The following TMEM230 variants were observed in gnomAD, a reference collection of about 807,000 sequenced individuals.
TMEM230 encodes the protein UPF0414 transmembrane protein C20orf30.
In TMEM230, 10 loss-of-function variants were observed where a neutral mutation model predicts 15.8. The observed-to-expected ratio is 0.63, with a 90% CI of 0.39 to 1.07. The LOEUF is 1.07. Among genes scored for constraint, TMEM230 ranks in the 50% least tolerant of loss-of-function variants. The pLI is 0.01. For synonymous variants in TMEM230, 67 were observed against 76.9 expected (o/e 0.87, Z 0.68); for missense variants, 165 against 193.3 (o/e 0.85, Z 0.87).
chr20:5,108,676 T>C (rs1463173730), intron 3 of TMEM230, among the ~76,000 whole-genome samples: 1 of 152,184 alleles, frequency 6.6e-6, no homozygotes, highest in East Asian at 1.9e-4. Flanking sequence ...TTATAAAGGA[T>C]GGTTTCCTGC....
At chr20:5,084,183 A>T (rs2089263549) in intron 3 of TMEM230, among the ~76,000 whole-genome samples, 1 of 151,860 alleles carries the variant, frequency 6.6e-6, no homozygotes, top group Non-Finnish European at 1.5e-5. Flanking sequence ...GTTGCAAAGA[A>T]CACGATCTTA....
chr20:5,093,669 T>G (rs560235948), intron 3 of TMEM230, among the ~76,000 whole-genome samples: 281 of 152,150 alleles, frequency 1.8e-3, no homozygotes, highest in African/African-American at 6.4e-3. Flanking sequence ...CCCGACTAGC[T>G]GGGATTACAG....
intron 4 of TMEM230, among the ~76,000 whole-genome samples, chr20:5,103,541 TGGTCCCAGTTATTTGGGAGGCTGA>T (rs1461551088): frequency 6.6e-6 from 1 of 150,944 alleles, no homozygotes; most frequent in Non-Finnish European, 1.5e-5. Flanking sequence ...CACATGCCTG[TGGTCCCAGTTATTTGGGAGGCTGA>T]GGTTGCAGTG....
At chr20:5,093,288 C>T (rs2089561607) in intron 3 of TMEM230, among the ~76,000 whole-genome samples, 1 of 152,214 alleles carries the variant, frequency 6.6e-6, no homozygotes, top group Admixed American at 6.5e-5. Context: ...GTCTATGTCG[C>T]CCAGGCTGGA....
At chr20:5,081,864 C>CA (rs2089185347) in intron 3 of TMEM230, among the ~76,000 whole-genome samples, 1 of 140,334 alleles carries the variant, frequency 7.1e-6, no homozygotes. Context: ...CACTGATTTT[C>CA]TTTTTTTTCT....
chr20:5,099,946 C>T lies in TMEM230; in HGVS notation c.*845G>A. The T allele has an allele frequency of 1.0e-6, 1 of 985,374 alleles. No individual in the cohort carries two copies. 61.0% of individuals were successfully genotyped at this position (985,374 alleles called of 1,614,324 possible). A position where few individuals can be genotyped will look rare whatever the true frequency, so the allele number is the denominator to read the frequency against. The stretch of plus-strand genomic sequence containing the variant: ...CTTTTTGCAAGCTAAAAAATAGAAT[C>T]AAACTAAGGTGATCTAGTCCTCTAG... On this transcript the variant is annotated 3_prime_UTR_variant, in exon 5 of 5. Transcript: ENST00000342308.
At chr20:5,069,545 C>T (rs2088757173) in intron 3 of TMEM230, among the ~76,000 whole-genome samples, 2 of 152,106 alleles carry the variant, frequency 1.3e-5, no homozygotes, top group Admixed American at 1.3e-4. Context: ...CAGTGAGTGA[C>T]CAAGGGAAAC....
intron 2 of TMEM230, among the ~76,000 whole-genome samples, 179 bp from the exon 2 acceptor site, chr20:5,109,624 G>A (rs1362709942): frequency 6.6e-6 from 1 of 152,072 alleles, no homozygotes; most frequent in African/African-American, 2.4e-5. Flanking sequence ...ATATGCATAT[G>A]GAAAACCAGA....
chr20:5,068,896 G>A, exon 4 of TMEM230: 1 of 314,088 alleles, frequency 3.2e-6, no homozygotes, highest in South Asian at 4.1e-5. Flanking sequence ...AGGATGGTAT[G>A]AAGGGGACAG....
downstream of TMEM230, chr20:5,067,839 A>T (rs2088700500): frequency 6.7e-6 from 1 of 150,104 alleles, no homozygotes; most frequent in Non-Finnish European, 1.5e-5. Context: ...GACTCACTAC[A>T]ACCTCCGCCT....
intron 3 of TMEM230, among the ~76,000 whole-genome samples, chr20:5,091,441 C>A (rs1002963423): frequency 6.6e-6 from 1 of 152,100 alleles, no homozygotes; most frequent in Admixed American, 6.6e-5. Flanking sequence ...GAACTCCTGA[C>A]CTCAGGTGAT....
intron 3 of TMEM230, among the ~76,000 whole-genome samples, chr20:5,077,443 G>A (rs1233322464): frequency 2.0e-5 from 3 of 151,966 alleles, no homozygotes; most frequent in African/African-American, 7.2e-5. Context: ...GGTGGCTGAC[G>A]CCTGTAATCC....
At position 5,100,884 on chromosome 20, in the gene TMEM230, G is replaced by C. The variant is rs1231784222; in HGVS notation, c.459C>G (p.Phe153Leu). Residue 153 changes from phenylalanine (F) to leucine (L), a missense_variant, in exon 5 of 5, where the codon TTC (phenylalanine) becomes TTG (leucine). By Grantham distance (22) the Phe-to-Leu change is conservative. Transcript: ENST00000342308. ...TGCGCAGGTGGTAAAATCCGGGTAG[G>C]AACACCAGAATGCCAATGATCAGCA... The C allele has an allele frequency of 6.2e-7, 1 of 1,614,172 alleles. No homozygotes were observed. The highest frequency in any genetic ancestry group is 8.5e-7 in the Non-Finnish European group (1 of 1,180,020).
intron 3 of TMEM230, among the ~76,000 whole-genome samples, chr20:5,075,066 C>CTTT (rs35746212): frequency 1.4e-5 from 2 of 139,190 alleles, no homozygotes; most frequent in African/African-American, 5.2e-5. Flanking sequence ...TAAAGTGGTA[C>CTTT]TTTTTTTTTT....
intron 4 of TMEM230, among the ~76,000 whole-genome samples, chr20:5,105,706 C>T (rs1238999877): frequency 6.6e-6 from 1 of 151,948 alleles, no homozygotes; most frequent in African/African-American, 2.4e-5. Flanking sequence ...CCTCATGTAT[C>T]CCCTAAGTAT....
At chr20:5,101,071 G>A in intron 4 of TMEM230, 140 bp from the exon 4 acceptor site, 1 of 1,051,490 alleles carries the variant, frequency 9.5e-7, no homozygotes. Flanking sequence ...CAAGGGAAAA[G>A]GTTTCCTCCT....
At chr20:5,068,794 G>A (rs926164091) in exon 4 of TMEM230, 1 of 160,694 alleles carries the variant, frequency 6.2e-6, no homozygotes, top group African/African-American at 2.4e-5. Flanking sequence ...GAGAATGGAT[G>A]TAGTACTGGG....
intron 3 of TMEM230, among the ~76,000 whole-genome samples, chr20:5,083,144 TCTCGAA>T (rs1379649450): frequency 2.0e-5 from 3 of 151,864 alleles, no homozygotes; most frequent in African/African-American, 4.8e-5. Flanking sequence ...GCCATGCTGG[TCTCGAA>T]CTCCTGACCT....
chr20:5,061,043 A>G, the TMEM230 span: 1 of 152,240 alleles, frequency 6.6e-6, no homozygotes, highest in Non-Finnish European at 1.5e-5. Context: ...GGAGTGTAGT[A>G]TACAGTTTAT....
Sources: allele counts gnomAD v4.1 joint callset (sites outside exome capture counted in the v4.1 genomes callset), GRCh38; gene constraint gnomAD v4.1.1; transcripts MANE v1.5; gene names NCBI Gene and HGNC (gene_info 2026-07-23, HGNC 2026-07-21).